Variants in UNC79 observed in about 807,000 individuals in gnomAD.
UNC79 encodes unc-79 subunit of NALCN channel complex.
A neutral mutation model predicts 283.1 loss-of-function variants in UNC79; 37 were observed. The ratio of observed to expected loss-of-function variants is 0.13; its 90% CI spans 0.10 to 0.17. The LOEUF (loss-of-function observed/expected upper bound fraction) is 0.17, where lower values mean the gene tolerates loss of function less well. Among genes scored for constraint, UNC79 ranks in the 10% least tolerant of loss-of-function variants. UNC79 has a pLI of 1.00. For synonymous variants in UNC79, 1,107 were observed against 1,200.2 expected (o/e 0.92, Z 1.61); for missense variants, 2,272 against 3,211.1 (o/e 0.71, Z 7.07).
chr14:93,703,368 G>A (rs2075668069), intron 47 of UNC79, among the ~76,000 whole-genome samples: 1 of 152,220 alleles, frequency 6.6e-6, no homozygotes, highest in Non-Finnish European at 1.5e-5. Context: ...GAGAGAATTT[G>A]TTCCAGACCT....
chr14:93,528,993 C>T (rs903303613), intron 9 of UNC79, among the ~76,000 whole-genome samples: 9 of 151,984 alleles, frequency 5.9e-5, no homozygotes, highest in African/African-American at 1.9e-4. Context: ...GTTCTTTTTG[C>T]TTGTTTGTTT....
At chr14:93,383,933 G>T (rs2054716717) in intron 1 of UNC79, among the ~76,000 whole-genome samples, 1 of 152,134 alleles carries the variant, frequency 6.6e-6, no homozygotes, top group South Asian at 2.1e-4. Flanking sequence ...CACCATCCAT[G>T]TAAGATGTGA....
Position 93,531,699 on chromosome 14 carries a change from A to G in UNC79, c.1094-851A>G, listed in dbSNP as rs1294972625. On this transcript the variant is annotated intron_variant, in intron 10 of 48. Coordinates refer to ENST00000555664, the Ensembl canonical transcript of UNC79. This position sits in a 1 kb window ranked among gnomAD's most constrained non-coding sequence, Gnocchi z 4.2. ...TAGTAATTTTGTCTACAGTTTTGAT[A>G]TTGCAAATAATCCGATGGTGATGCT... Among the ~76,000 whole-genome samples, 5 of 152,224 alleles carry G rather than the reference A, an allele frequency of 3.3e-5. No individual in the cohort carries two copies. The highest frequency in any genetic ancestry group is 1.2e-4 in the African/African-American group (5 of 41,464).
chr14:93,396,777 ATGTGTGTG>A (rs34727419), intron 1 of UNC79, among the ~76,000 whole-genome samples: 29 of 144,496 alleles, frequency 2.0e-4, no homozygotes, highest in Non-Finnish European at 6.0e-5. Flanking sequence ...ATGTGTGTGT[ATGTGTGTG>A]TGTGTGTGTG....
intron 14 of UNC79, among the ~76,000 whole-genome samples, chr14:93,553,764 A>G (rs1475468805): frequency 6.6e-6 from 1 of 152,224 alleles, no homozygotes; most frequent in African/African-American, 2.4e-5. Flanking sequence ...ACACCATTTT[A>G]AATGTGATAG....
At chr14:93,458,229 A>T (rs1273347083) in intron 1 of UNC79, among the ~76,000 whole-genome samples, 1 of 152,262 alleles carries the variant, frequency 6.6e-6, no homozygotes, top group Non-Finnish European at 1.5e-5. Flanking sequence ...GAATTAGGAC[A>T]TATACTATCA....
chr14:93,365,969 G>A (rs2054321990), intron 1 of UNC79, among the ~76,000 whole-genome samples: 1 of 152,090 alleles, frequency 6.6e-6, no homozygotes, highest in South Asian at 2.1e-4. Flanking sequence ...GAAGACAAAG[G>A]ATAATGAGAA....
chr14:93,401,316 A>C (rs2055103820), intron 1 of UNC79, among the ~76,000 whole-genome samples: 1 of 152,216 alleles, frequency 6.6e-6, no homozygotes, highest in Non-Finnish European at 1.5e-5. Flanking sequence ...GATACAAAAG[A>C]TGAAGAACTA....
intron 32 of UNC79, among the ~76,000 whole-genome samples, chr14:93,638,100 A>G (rs2068674517): frequency 6.6e-6 from 1 of 152,218 alleles, no homozygotes; most frequent in Non-Finnish European, 1.5e-5. Flanking sequence ...TTCTTTTTTA[A>G]TTGAGAAGGC....
chr14:93,643,274 A>G (rs2069244526), intron 33 of UNC79, among the ~76,000 whole-genome samples: 1 of 152,226 alleles, frequency 6.6e-6, no homozygotes, highest in African/African-American at 2.4e-5. Context: ...GTTGGTACTC[A>G]TTCTAAGTGA....
intron 1 of UNC79, among the ~76,000 whole-genome samples, chr14:93,414,606 A>C (rs1397518910): frequency 6.6e-6 from 1 of 152,122 alleles, no homozygotes; most frequent in East Asian, 1.9e-4. Context: ...TGAATCTATA[A>C]ATTACCTTGG....
At chr14:93,661,019 A>AG (rs1440139938) in intron 39 of UNC79, among the ~76,000 whole-genome samples, 1 of 152,216 alleles carries the variant, frequency 6.6e-6, no homozygotes, top group Non-Finnish European at 1.5e-5. Flanking sequence ...TAAGTAAAAA[A>AG]CAGAATTCCT....
rs193293669 is a variant in UNC79 at position 93,484,713 on chromosome 14, T to C, written c.620-2950T>C. On this transcript the variant is annotated intron_variant, in intron 4 of 48. Transcript: ENST00000555664. ...CCCTCATGGGGACAAGCTGCACATC[T>C]GTTTACATCATGCCTTTTTAACAAG... is the stretch of plus-strand genomic sequence containing the variant. 2.7e-3 allele frequency among the ~76,000 whole-genome samples: 414 copies of C among 152,362 alleles called. 1 individual carries two copies. Among genetic ancestry groups the C allele is most frequent in the African/African-American group, 9.4e-3 (392 of 41,588 alleles).
In UNC79 at chr14:93,586,686, T is replaced by C; in HGVS notation, c.2883+11T>C. 6.2e-7 allele frequency: 1 copy of C among 1,613,412 alleles called. No homozygotes were observed. Among genetic ancestry groups the C allele is most frequent in the Non-Finnish European group, 8.5e-7 (1 of 1,179,812 alleles). On this transcript the variant is annotated intron_variant, in intron 21 of 48. Coordinates refer to ENST00000555664, the Ensembl canonical transcript of UNC79. ...TATACCATTTTCCAGGTATATTTTCTGATGTCTTTGAATACTTGGCTTGGT... is the reference window on the plus strand; with the variant it reads ...TATACCATTTTCCAGGTATATTTTCCGATGTCTTTGAATACTTGGCTTGGT...
At chr14:93,521,470 G>T (rs1251465497) in intron 7 of UNC79, among the ~76,000 whole-genome samples, 1 of 151,642 alleles carries the variant, frequency 6.6e-6, no homozygotes, top group East Asian at 1.9e-4. Context: ...TCCAGTTTTT[G>T]TCCCCTCAAC....
At chr14:93,608,181 C>G (rs1181662696) in intron 26 of UNC79, among the ~76,000 whole-genome samples, 2 of 152,122 alleles carry the variant, frequency 1.3e-5, no homozygotes, top group Non-Finnish European at 2.9e-5. Context: ...TATTTTTCAC[C>G]TGCTGGACTA....
intron 1 of UNC79, among the ~76,000 whole-genome samples, chr14:93,383,903 C>T (rs2054714952): frequency 5.0e-5 from 1 of 20,198 alleles, no homozygotes; most frequent in Non-Finnish European, 7.9e-5. Flanking sequence ...CATGAGTTTC[C>T]CTGCACAAAC....
chr14:93,642,264 A>G (rs1240094464), intron 33 of UNC79, among the ~76,000 whole-genome samples: 1 of 151,844 alleles, frequency 6.6e-6, no homozygotes, highest in African/African-American at 2.4e-5. Flanking sequence ...CTCTACTAAA[A>G]ATACAAAAAA....
chr14:93,366,071 A>G (rs1408768419), intron 1 of UNC79, among the ~76,000 whole-genome samples: 1 of 152,226 alleles, frequency 6.6e-6, no homozygotes, highest in African/African-American at 2.4e-5. Context: ...AGGCAATGAA[A>G]CAACACTTTC....
Sources: allele counts gnomAD v4.1 joint callset (sites outside exome capture counted in the v4.1 genomes callset), GRCh38; gene constraint gnomAD v4.1.1; non-coding constraint Gnocchi (gnomAD v3.1); transcripts MANE v1.5; gene names NCBI Gene and HGNC (gene_info 2026-07-23, HGNC 2026-07-21).